The following IQGAP3 variants were observed in gnomAD, a reference collection of about 807,000 sequenced individuals.
IQGAP3 encodes the protein IQ motif containing GTPase activating protein 3.
A neutral mutation model predicts 208.2 loss-of-function variants in IQGAP3; 165 were observed. The ratio of observed to expected loss-of-function variants is 0.79; its 90% CI spans 0.70 to 0.90. IQGAP3 has a LOEUF of 0.90. Ranked by LOEUF, IQGAP3 falls within the 40% of genes least tolerant of loss-of-function variation. The pLI is 0.00. For synonymous variants in IQGAP3, 703 were observed against 803.6 expected (o/e 0.87, Z 2.12); for missense variants, 1,811 against 2,043.1 (o/e 0.89, Z 2.19).
intron 37 of IQGAP3, 61 bp downstream of exon 37, chr1:156,527,891 C>T: frequency 8.4e-7 from 1 of 1,187,932 alleles, no homozygotes; most frequent in Non-Finnish European, 1.3e-6. Flanking sequence ...CAGCTGCTCT[C>T]TTCAGGCCAG....
At chr1:156,550,117 C>A in intron 16 of IQGAP3, 144 bp downstream of exon 16, 2 of 621,804 alleles carry the variant, frequency 3.2e-6, no homozygotes, top group Non-Finnish European at 5.8e-6. Context: ...GAACAGCAGC[C>A]CTCCTGCTCT....
chr1:156,559,389 G>C (rs1178141663), intron 11 of IQGAP3, among the ~76,000 whole-genome samples: 1 of 152,228 alleles, frequency 6.6e-6, no homozygotes, highest in African/African-American at 2.4e-5. Context: ...AATGTAGTCT[G>C]AGTTTACAAA....
At chr1:156,566,224 T>C in intron 3 of IQGAP3, 120 bp from the exon 4 acceptor site, 1 of 1,207,772 alleles carries the variant, frequency 8.3e-7, no homozygotes, top group Non-Finnish European at 1.2e-6. Flanking sequence ...GAGGACCACA[T>C]CCTGTGGATT....
chr1:156,528,734 G>A, intron 35 of IQGAP3, 124 bp from the exon 36 acceptor site: 2 of 1,026,246 alleles, frequency 1.9e-6, no homozygotes, highest in Non-Finnish European at 2.9e-6. Flanking sequence ...GAAGACAGAG[G>A]AGGGGGGCTG....
Position 156,551,797 on chromosome 1 carries a change from G to C in IQGAP3, c.1642C>G (p.Leu548Val), listed in dbSNP as rs755753898. Residue 548 changes from leucine to valine, a missense_variant, in exon 15 of 38, where the codon CTG becomes GTG. Transcript: ENST00000361170. The stretch of plus-strand genomic sequence containing the variant: ...TCATCTAGGCCAGCTGCAGGAAGCA[G>C]TAGGGCAGACAGAGTCTTCTCAGGG... ...GSPEKTLSAL[L>V]LPAAGLDDVS... is the part of the protein sequence containing the mutation. 3 of 1,614,080 alleles carry C rather than the reference G, an allele frequency of 1.9e-6. No homozygotes were observed. The highest frequency in any genetic ancestry group is 1.7e-6 in the Non-Finnish European group (2 of 1,179,994).
At chr1:156,566,002 T>C (rs1216768915) in intron 4 of IQGAP3, 25 bp downstream of exon 4, 1 of 1,572,832 alleles carries the variant, frequency 6.4e-7, no homozygotes, top group Non-Finnish European at 8.8e-7. Flanking sequence ...TAAAGATGAA[T>C]ACCAATCTTC....
chr1:156,528,203 C>T (rs964951321), intron 36 of IQGAP3, 143 bp from the exon 37 acceptor site: 15 of 667,316 alleles, frequency 2.2e-5, no homozygotes, highest in Admixed American at 1.2e-4. Context: ...GGGCCCAGCT[C>T]GCTGTCTTCT....
intron 2 of IQGAP3, among the ~76,000 whole-genome samples, chr1:156,568,198 T>G (rs1272065715): frequency 1.3e-5 from 2 of 152,208 alleles, no homozygotes; most frequent in East Asian, 3.8e-4. Flanking sequence ...TGAAGTCTTC[T>G]TGTCAAAAAT....
rs956119865 is a variant in IQGAP3, at chr1:156,535,072, A to AT, written c.3507+90dup. Reference sequence around the variant, plus strand: ...CCTCCTTGGATTTTTATGGCATAGGATTTTTTGTGTTTTTGTCTCAGTCTG... The same window carrying AT: ...CCTCCTTGGATTTTTATGGCATAGGATTTTTTTGTGTTTTTGTCTCAGTCTG... On this transcript the variant is annotated intron_variant, in intron 28 of 37. Coordinates refer to ENST00000361170, the MANE Select transcript of IQGAP3 (RefSeq NM_178229.5). 6 of 964,052 alleles carry AT rather than the reference A, an allele frequency of 6.2e-6. No individual in the cohort carries two copies. The African/African-American group carries it at 6.8e-5, about 11-fold the overall frequency. The allele number at this position is 964,052 out of a possible 1,614,324, so 59.7% of individuals were successfully genotyped here. A position where few individuals can be genotyped will look rare whatever the true frequency, so the allele number is the denominator to read the frequency against.
chr1:156,564,083 A>T (rs1239574833), intron 5 of IQGAP3, among the ~76,000 whole-genome samples: 2 of 152,180 alleles, frequency 1.3e-5, no homozygotes. Context: ...TTGCAGTAGC[A>T]GGTCACTCAA....
rs1416440561 is a variant in IQGAP3 at position 156,548,562 on chromosome 1, G to A, written c.1993+19C>T. 3 of 1,598,240 alleles carry A rather than the reference G, an allele frequency of 1.9e-6. No homozygotes were observed. The highest frequency in any genetic ancestry group is 2.6e-6 in the Non-Finnish European group (3 of 1,169,138). On this transcript the variant is annotated intron_variant, in intron 17 of 37. Coordinates refer to ENST00000361170, the MANE Select transcript of IQGAP3 (RefSeq NM_178229.5). ...GCTGGGGCAGGCAGCGAAGAGGAGG[G>A]TCAGGTTGGGGCCATTACCTGGACG...
chr1:156,559,973 A>C (rs771909835), intron 11 of IQGAP3, among the ~76,000 whole-genome samples: 1 of 152,232 alleles, frequency 6.6e-6, no homozygotes, highest in Non-Finnish European at 1.5e-5. Flanking sequence ...GAAAGCAGCC[A>C]GTCAGGAGTG....
At chr1:156,528,180 T>C in intron 36 of IQGAP3, 120 bp from the exon 37 acceptor site, 1 of 746,224 alleles carries the variant, frequency 1.3e-6, no homozygotes, top group Non-Finnish European at 2.3e-6. Flanking sequence ...GTTTTCCCTC[T>C]GTCACTCCCA....
chr1:156,537,426 G>T (rs1674744400), intron 26 of IQGAP3, 105 bp from the exon 27 acceptor site: 1 of 1,147,852 alleles, frequency 8.7e-7, no homozygotes, highest in Non-Finnish European at 1.2e-6. Context: ...ATCTCATACA[G>T]ATGTGCTAAG....
chr1:156,554,339 G>C lies in IQGAP3; in HGVS notation c.1344C>G (p.Val448=). The change falls in exon 13 of 38, where the codon GTC becomes GTG. Residue 448 remains valine (V), a synonymous_variant. Coordinates refer to ENST00000361170, the MANE Select transcript of IQGAP3 (RefSeq NM_178229.5). ...GGGCCTCCAGGGCCCGGTTAATCAG[G>C]ACCACAGCTGAGAGCATCTCCACAG... The part of the protein sequence containing the change: ...FVAVEMLSAV[V]LINRALEARD... The C allele has an allele frequency of 6.2e-7, 1 of 1,613,942 alleles. No homozygotes were observed. Among genetic ancestry groups the C allele is most frequent in the Non-Finnish European group, 8.5e-7 (1 of 1,179,944 alleles).
chr1:156,563,286 C>T lies in IQGAP3; in HGVS notation c.646G>A (p.Glu216Lys), dbSNP rs1181577614. 1 of 1,605,376 alleles carries T rather than the reference C, an allele frequency of 6.2e-7. No individual in the cohort carries two copies. The highest frequency in any genetic ancestry group is 8.5e-7 in the Non-Finnish European group (1 of 1,173,774). Residue 216 changes from glutamate (E) to lysine (K), a missense_variant, in exon 8 of 38, where the codon GAA (glutamate) becomes AAA (lysine). Coordinates refer to ENST00000361170, the MANE Select transcript of IQGAP3 (RefSeq NM_178229.5). ...AVHAAVLAINEAVERGVVEDT... is the reference protein window; with the variant it reads ...AVHAAVLAINKAVERGVVEDT... ...TCCACCACCCCTCGCTCCACTGCTT[C>T]ATTGATGGCAAGAACAGCTGCATGG...
intron 1 of IQGAP3, among the ~76,000 whole-genome samples, chr1:156,570,769 C>T (rs1676611699): frequency 6.6e-6 from 1 of 152,206 alleles, no homozygotes; most frequent in Admixed American, 6.5e-5. Context: ...CTTGGCCTCC[C>T]AAAGTGCTGG....
At position 156,533,086 on chromosome 1, in the gene IQGAP3, C is replaced by T. The variant is rs1276975465; in HGVS notation, c.3997G>A (p.Gly1333Arg). 1 of 1,613,970 alleles carries T rather than the reference C, an allele frequency of 6.2e-7. No homozygotes were observed. Among genetic ancestry groups the T allele is most frequent in the African/African-American group, 1.3e-5 (1 of 74,998 alleles). Residue 1333 changes from glycine (G) to arginine (R), a missense_variant, in exon 32 of 38, where the codon GGG becomes AGG. Transcript: ENST00000361170. ...DLIGESIAADGHTDLSKLEVS... is the reference protein window; with the variant it reads ...DLIGESIAADRHTDLSKLEVS... ...TCTAGCTTGCTCAGGTCCGTGTGCC[C>T]ATCTGCAGCGATGCTCTCACCTGAG...
At chr1:156,552,722 C>T (rs1675613836) in intron 13 of IQGAP3, among the ~76,000 whole-genome samples, 1 of 152,226 alleles carries the variant, frequency 6.6e-6, no homozygotes, top group Non-Finnish European at 1.5e-5. Context: ...GGTCTCCCTG[C>T]TTTCCCCTTG....
Sources: gnomAD v4.1 joint callset for allele counts (sites outside exome capture counted in the v4.1 genomes callset) on GRCh38, gnomAD v4.1.1 for gene constraint, MANE v1.5 for transcripts, NCBI Gene and HGNC (gene_info 2026-07-23, HGNC 2026-07-21) for gene names.